Variants in UNC13C observed in about 807,000 individuals in gnomAD.
UNC13C encodes the protein protein unc-13 homolog C.
A neutral mutation model predicts 245.4 loss-of-function variants in UNC13C; 174 were observed. The observed-to-expected ratio is 0.71, with a 90% CI of 0.63 to 0.80. UNC13C has a LOEUF of 0.80. Ranked by LOEUF, UNC13C falls within the 30% of genes least tolerant of loss-of-function variation. The probability of loss-of-function intolerance (pLI) is 0.00; values close to 1 mark genes in which losing one functional copy is unlikely to be tolerated. For synonymous variants in UNC13C, 992 were observed against 895.1 expected, an observed-to-expected ratio of 1.11 and a Z score of -1.93; for missense variants, 2,829 against 2,602.9, an observed-to-expected ratio of 1.09 and a Z score of -1.89.
intron 4 of UNC13C, among the ~76,000 whole-genome samples, chr15:54,205,004 A>G (rs910722177): frequency 6.6e-6 from 1 of 152,010 alleles, no homozygotes; most frequent in African/African-American, 2.4e-5. Flanking sequence ...AATATGTACC[A>G]TCAGACTTCC....
At chr15:54,604,577 T>G (rs1161066764) in intron 30 of UNC13C, among the ~76,000 whole-genome samples, 1 of 152,200 alleles carries the variant, frequency 6.6e-6, no homozygotes, top group Non-Finnish European at 1.5e-5. Context: ...ATTCTAAATA[T>G]TGATTCCAGA....
chr15:54,607,096 A>C (rs1205618872), intron 30 of UNC13C, among the ~76,000 whole-genome samples: 2 of 152,216 alleles, frequency 1.3e-5, no homozygotes, highest in African/African-American at 4.8e-5. Context: ...AAACTTTTTA[A>C]AAAATTATGT....
the UNC13C span, among the ~76,000 whole-genome samples, chr15:53,961,106 CT>C: frequency 1.2e-4 from 19 of 152,216 alleles, no homozygotes; most frequent in Non-Finnish European, 1.5e-5. Flanking sequence ...CATCCTTATG[CT>C]TTCCTTCATC....
rs1013548661 is a variant in UNC13C at position 54,627,788 on chromosome 15, T to G, written c.*675T>G. 3.9e-5 allele frequency: 6 copies of G among 152,568 alleles called. No individual in the cohort carries two copies. The highest frequency in any genetic ancestry group is 1.4e-4 in the African/African-American group (6 of 41,438). The allele number at this position is 152,568 out of a possible 1,614,324, so 9.5% of individuals were successfully genotyped here. A position where few individuals can be genotyped will look rare whatever the true frequency, so the allele number is the denominator to read the frequency against. ...ACTTTGTTCTCTAAAACTGCCAAGA[T>G]CACATCACATTTGTAAAAATGGTAA... On this transcript the variant is annotated 3_prime_UTR_variant, in exon 33 of 33. Coordinates refer to ENST00000260323, the MANE Select transcript of UNC13C (RefSeq NM_001080534.3).
At chr15:54,024,730 A>G (rs1896035300) in intron 2 of UNC13C, among the ~76,000 whole-genome samples, 1 of 151,958 alleles carries the variant, frequency 6.6e-6, no homozygotes, top group Non-Finnish European at 1.5e-5. Context: ...CATCCTGGCT[A>G]CACGGTGAAA....
At chr15:54,452,960 A>T (rs554991655) in intron 19 of UNC13C, among the ~76,000 whole-genome samples, 1 of 152,138 alleles carries the variant, frequency 6.6e-6, no homozygotes, top group South Asian at 2.1e-4. Flanking sequence ...TGACAATGGG[A>T]TTCTAAGGGT....
At chr15:54,004,796 G>A (rs1047107645) in intron 1 of UNC13C, among the ~76,000 whole-genome samples, 4 of 152,218 alleles carry the variant, frequency 2.6e-5, no homozygotes, top group African/African-American at 9.6e-5. Flanking sequence ...TTTTCCGTTT[G>A]TATATATTCT....
At chr15:54,598,617 T>A (rs1899228875) in intron 30 of UNC13C, among the ~76,000 whole-genome samples, 1 of 152,234 alleles carries the variant, frequency 6.6e-6, no homozygotes, top group African/African-American at 2.4e-5. Flanking sequence ...TGTATTGATT[T>A]AGTTCAAGCA....
chr15:53,894,994 TA>T, the UNC13C span, among the ~76,000 whole-genome samples: 6 of 138,704 alleles, frequency 4.3e-5, no homozygotes, highest in Admixed American at 4.6e-4. Flanking sequence ...TAGATATCAC[TA>T]GATAAATATG....
chr15:54,059,742 C>G (rs940211715), intron 2 of UNC13C, among the ~76,000 whole-genome samples: 1 of 152,170 alleles, frequency 6.6e-6, no homozygotes, highest in African/African-American at 2.4e-5. Flanking sequence ...GTAATCAAAA[C>G]AGCATGGTAC....
chr15:54,612,177 C>A (rs1900138198), intron 30 of UNC13C, among the ~76,000 whole-genome samples: 2 of 152,012 alleles, frequency 1.3e-5, no homozygotes, highest in African/African-American at 4.8e-5. Context: ...GTTTTAATTT[C>A]TCTTCCCATC....
At chr15:54,566,553 T>C (rs547473254) in intron 29 of UNC13C, among the ~76,000 whole-genome samples, 10 of 152,186 alleles carry the variant, frequency 6.6e-5, no homozygotes, top group South Asian at 2.1e-4. Context: ...CAAAGGACCA[T>C]AGGTTTCTTT....
At chr15:54,247,765 GTTT>G (rs78152864) in intron 7 of UNC13C, among the ~76,000 whole-genome samples, 17 of 144,048 alleles carry the variant, frequency 1.2e-4, no homozygotes, top group African/African-American at 4.0e-4. Context: ...AATGTTTCAT[GTTT>G]TTTTTTTTTA....
intron 1 of UNC13C, among the ~76,000 whole-genome samples, chr15:54,004,232 C>G (rs534606365): frequency 6.6e-6 from 1 of 151,258 alleles, no homozygotes. Context: ...CTTTGATTTC[C>G]AGATCCCACA....
chr15:53,995,629 C>T (rs563189882), intron 1 of UNC13C, among the ~76,000 whole-genome samples: 5 of 151,928 alleles, frequency 3.3e-5, no homozygotes, highest in Middle Eastern at 3.2e-3. Flanking sequence ...ACTTTCTGGA[C>T]GAGTCTTAAT....
At chr15:54,174,255 T>C (rs138084377) in intron 4 of UNC13C, among the ~76,000 whole-genome samples, 201 of 152,326 alleles carry the variant, frequency 1.3e-3, no homozygotes, top group Non-Finnish European at 2.3e-3. Context: ...TCTATTTTTC[T>C]GAAACATTGT....
the UNC13C span, among the ~76,000 whole-genome samples, chr15:53,875,847 C>A: frequency 6.6e-6 from 1 of 152,178 alleles, no homozygotes; most frequent in Non-Finnish European, 1.5e-5. Flanking sequence ...TTGTGTGTCA[C>A]ACAGTGCTGA....
chr15:53,869,371 G>A, the UNC13C span, among the ~76,000 whole-genome samples: 1 of 152,136 alleles, frequency 6.6e-6, no homozygotes, highest in African/African-American at 2.4e-5. Flanking sequence ...TTCTTTTGAT[G>A]ATGTTTCATG....
At chr15:54,594,021 C>T (rs1898937508) in intron 30 of UNC13C, among the ~76,000 whole-genome samples, 2 of 152,118 alleles carry the variant, frequency 1.3e-5, no homozygotes, top group Admixed American at 1.3e-4. Flanking sequence ...AGGGTTTTCC[C>T]TTGATGTAGT....
Sources: gnomAD v4.1 joint callset for allele counts (sites outside exome capture counted in the v4.1 genomes callset) on GRCh38, gnomAD v4.1.1 for gene constraint, MANE v1.5 for transcripts, NCBI Gene and HGNC (gene_info 2026-07-23, HGNC 2026-07-21) for gene names.